IMPG1: variants seen among roughly 807,000 people sequenced by gnomAD.
IMPG1 encodes the protein interphotoreceptor matrix proteoglycan 1.
In IMPG1, 85 loss-of-function variants were observed where a neutral mutation model predicts 92.0. The observed-to-expected ratio is 0.92, with a 90% CI of 0.78 to 1.11. The LOEUF is 1.11. Among genes scored for constraint, IMPG1 ranks in the 50% least tolerant of loss-of-function variants. IMPG1 has a pLI of 0.00. For synonymous variants in IMPG1, 367 were observed against 334.1 expected (o/e 1.10, Z -1.08); for missense variants, 1,022 against 956.0 (o/e 1.07, Z -0.91).
At chr6:75,942,017 G>A (rs763036627) in intron 14 of IMPG1, among the ~76,000 whole-genome samples, 111 of 152,266 alleles carry the variant, frequency 7.3e-4, no homozygotes, top group African/African-American at 2.2e-3. Flanking sequence ...TCAGTGTTGC[G>A]GACCACTACC....
chr6:76,033,626 G>A (rs919393027), intron 4 of IMPG1, among the ~76,000 whole-genome samples: 1 of 152,174 alleles, frequency 6.6e-6, no homozygotes, highest in Admixed American at 6.5e-5. Flanking sequence ...GAAACAAAGG[G>A]ATAAATGTGT....
At chr6:75,974,517 T>C (rs1315805997) in intron 12 of IMPG1, among the ~76,000 whole-genome samples, 2 of 149,304 alleles carry the variant, frequency 1.3e-5, no homozygotes, top group Admixed American at 1.3e-4. Context: ...TCGCCCAGGC[T>C]GGAATGCAAT....
chr6:76,008,948 C>G (rs1395394271), intron 8 of IMPG1, among the ~76,000 whole-genome samples: 1 of 152,156 alleles, frequency 6.6e-6, no homozygotes, highest in East Asian at 1.9e-4. Flanking sequence ...TTTGCATTTT[C>G]TAGAGTCTAT....
chr6:76,053,185 T>C (rs1294356498), intron 1 of IMPG1, among the ~76,000 whole-genome samples: 1 of 152,210 alleles, frequency 6.6e-6, no homozygotes, highest in African/African-American at 2.4e-5. Context: ...TTTAAATAAG[T>C]ACACAGGTTA....
At chr6:75,980,482 A>T (rs1782609023) in intron 12 of IMPG1, among the ~76,000 whole-genome samples, 1 of 152,190 alleles carries the variant, frequency 6.6e-6, no homozygotes, top group Non-Finnish European at 1.5e-5. Flanking sequence ...TGGGCTGGGA[A>T]AGGCAGACCC....
intron 12 of IMPG1, among the ~76,000 whole-genome samples, chr6:75,996,396 G>C (rs1181212957): frequency 1.3e-5 from 2 of 152,158 alleles, no homozygotes; most frequent in African/African-American, 4.8e-5. Context: ...GTATCAGCAT[G>C]GAAGGAAGAG....
At chr6:75,974,379 C>CTCT (rs1782486885) in intron 12 of IMPG1, among the ~76,000 whole-genome samples, 1 of 87,462 alleles carries the variant, frequency 1.1e-5, no homozygotes, top group African/African-American at 4.7e-5. Flanking sequence ...TTCTTTCTTT[C>CTCT]TTTCTTTCTT....
In IMPG1 at chr6:75,991,567, A is replaced by G. The variant is rs9447585; in HGVS notation, c.1291+11351T>C. On this transcript the variant is annotated intron_variant, in intron 12 of 16. Transcript: ENST00000369950. Reference sequence around the variant, plus strand: ...TTAATGGGAGAATGGAAAATTGTGGAACTGGTTAGATGCCACTTTGACCAC... The same window carrying G: ...TTAATGGGAGAATGGAAAATTGTGGGACTGGTTAGATGCCACTTTGACCAC... Among the ~76,000 whole-genome samples the G allele has an allele frequency of 4.1e-3, 631 of 152,232 alleles. 5 individuals carry two copies. Among genetic ancestry groups the G allele is most frequent in the African/African-American group, 0.015 (608 of 41,534 alleles).
chr6:76,039,976 A>G (rs1295913629), intron 2 of IMPG1, among the ~76,000 whole-genome samples: 2 of 152,190 alleles, frequency 1.3e-5, no homozygotes, highest in Admixed American at 6.5e-5. Context: ...AAAGATGTCA[A>G]TGGATAATTT....
chr6:75,985,599 C>G (rs148176196), intron 12 of IMPG1, among the ~76,000 whole-genome samples: 86 of 152,288 alleles, frequency 5.6e-4, no homozygotes, highest in East Asian at 4.2e-3. Context: ...TGACTTAAAA[C>G]AAATCCTTTT....
At chr6:75,939,209 A>T (rs9343338) in intron 14 of IMPG1, among the ~76,000 whole-genome samples, 85,452 of 151,766 alleles carry the variant, frequency 0.56, 24,681 homozygotes, top group Non-Finnish European at 0.65. Context: ...TCTTTTTTTT[A>T]AAATTATACT....
chr6:75,953,933 G>A (rs1782076441), intron 12 of IMPG1, among the ~76,000 whole-genome samples: 2 of 152,160 alleles, frequency 1.3e-5, no homozygotes, highest in African/African-American at 4.8e-5. Flanking sequence ...CCCTGCAAAG[G>A]ACATGAACTC....
At chr6:76,063,382 C>A (rs922962053) in intron 1 of IMPG1, among the ~76,000 whole-genome samples, 2 of 152,070 alleles carry the variant, frequency 1.3e-5, no homozygotes, top group Admixed American at 6.6e-5. Flanking sequence ...AAGAAGGAAG[C>A]AAGAGGTTGT....
intron 1 of IMPG1, among the ~76,000 whole-genome samples, chr6:76,044,462 T>C (rs1382031009): frequency 2.0e-5 from 3 of 152,088 alleles, no homozygotes; most frequent in South Asian, 2.1e-4. Flanking sequence ...ATGTGTGGGG[T>C]CCTGCTATCG....
intron 14 of IMPG1, among the ~76,000 whole-genome samples, chr6:75,945,355 T>TC (rs1781907836): frequency 6.8e-6 from 1 of 147,432 alleles, no homozygotes; most frequent in African/African-American, 2.5e-5. Flanking sequence ...CTTTTTTTTT[T>TC]TTCTTTTTTT....
intron 1 of IMPG1, among the ~76,000 whole-genome samples, chr6:76,065,155 A>G (rs1331924699): frequency 6.6e-6 from 1 of 152,068 alleles, no homozygotes; most frequent in Non-Finnish European, 1.5e-5. Context: ...ATAAGAAGAA[A>G]CTCTGTGAAA....
rs201396287 is a variant in IMPG1, at chr6:75,990,793, CA to C, written c.1291+12124del. 9.8e-3 allele frequency among the ~76,000 whole-genome samples: 1,493 copies of C among 152,294 alleles called. 25 individuals carry two copies. The highest frequency in any genetic ancestry group is 0.034 in the African/African-American group (1,416 of 41,552). ...AACTTGCAATCTACTGACACCTTCACAAATGCTGTTTCACTTTCTTAAAATG... is the reference window on the plus strand; with the variant it reads ...AACTTGCAATCTACTGACACCTTCACAATGCTGTTTCACTTTCTTAAAATG... On this transcript the variant is annotated intron_variant, in intron 12 of 16. Transcript: ENST00000369950.
Position 75,921,603 on chromosome 6 carries a change from C to A in IMPG1, c.*486G>T, listed in dbSNP as rs1781430175. The A allele has an allele frequency of 6.5e-6, 1 of 154,442 alleles. No homozygotes were observed. The highest frequency in any genetic ancestry group is 2.4e-5 in the African/African-American group (1 of 41,454). 9.6% of individuals were successfully genotyped at this position (154,442 alleles called of 1,614,324 possible). On this transcript the variant is annotated 3_prime_UTR_variant, in exon 17 of 17. Transcript: ENST00000369950. ...TCAGACGTAGTGTGGAGCATATATACACTCACTACAGTGCCTACACACTAC... is the reference window on the plus strand; with the variant it reads ...TCAGACGTAGTGTGGAGCATATATAAACTCACTACAGTGCCTACACACTAC...
chr6:75,980,884 G>C lies in IMPG1; in HGVS notation c.1291+22034C>G, dbSNP rs116464281. On this transcript the variant is annotated intron_variant, in intron 12 of 16. Transcript: ENST00000369950. ...TAGTTCTGTCCCTCTAGAGAACCCT[G>C]TGTGTTGGAAATGCAAATTTGTCCT... 7.5e-3 allele frequency among the ~76,000 whole-genome samples: 1,135 copies of C among 152,276 alleles called. 15 individuals carry two copies. Among genetic ancestry groups the C allele is most frequent in the African/African-American group, 0.026 (1,073 of 41,554 alleles).
Sources: gnomAD v4.1 joint callset for allele counts (sites outside exome capture counted in the v4.1 genomes callset) on GRCh38, gnomAD v4.1.1 for gene constraint, MANE v1.5 for transcripts, NCBI Gene and HGNC (gene_info 2026-07-23, HGNC 2026-07-21) for gene names.